Variants in AP3M2 observed in about 807,000 individuals in gnomAD.
AP3M2 encodes adaptor related protein complex 3 subunit mu 2.
In AP3M2, 28 loss-of-function variants were observed where a neutral mutation model predicts 41.6. The observed-to-expected ratio is 0.67, with a 90% confidence interval of 0.50 to 0.92. The LOEUF (loss-of-function observed/expected upper bound fraction) is 0.92. AP3M2 is among the 40% of genes least tolerant of loss of function. The pLI, the probability that AP3M2 is intolerant of heterozygous loss-of-function variation, is 0.00. For synonymous variants in AP3M2, 193 were observed against 186.4 expected, an observed-to-expected ratio of 1.04 and a Z score of -0.29; for missense variants, 427 against 521.4, an observed-to-expected ratio of 0.82 and a Z score of 1.76.
At chr8:42,167,084 C>A in intron 6 of AP3M2, 80 bp from the exon 7 acceptor site, 1 of 1,267,434 alleles carries the variant, frequency 7.9e-7, no homozygotes, top group Non-Finnish European at 1.1e-6. Context: ...ACCCACAGGG[C>A]AGAAAAAGCA....
chr8:42,165,601 A>G, intron 6 of AP3M2, 41 bp downstream of exon 6: 2 of 1,608,454 alleles, frequency 1.2e-6, no homozygotes, highest in Non-Finnish European at 1.7e-6. Context: ...CCGTGTATGT[A>G]CATGTATGTG....
intron 2 of AP3M2, among the ~76,000 whole-genome samples, chr8:42,157,726 C>A (rs1242607622): frequency 6.6e-6 from 1 of 152,142 alleles, no homozygotes; most frequent in East Asian, 1.9e-4. Flanking sequence ...GTAGAAGAAG[C>A]TAGTAATGAC....
rs1275187241 is a variant in AP3M2 at position 42,158,063 on chromosome 8, A to G, written c.396A>G (p.Glu132=). Residue 132 remains glutamate (E), a synonymous_variant, in exon 3 of 9, where the codon GAA becomes GAG. Transcript: ENST00000396926. ...CTACCGAGTCGAACATTCTTAAAGA[A>G]CTCATAAAGCCTCCTACCATCCTTC... ...PLATESNILK[E]LIKPPTILRT... 2 of 1,613,938 alleles carry G rather than the reference A, an allele frequency of 1.2e-6. No homozygotes were observed. Among genetic ancestry groups the G allele is most frequent in the Middle Eastern group, 1.7e-4 (1 of 6,060 alleles).
chr8:42,162,943 C>CAAAAA (rs67923954), intron 4 of AP3M2, among the ~76,000 whole-genome samples: 1,266 of 54,082 alleles, frequency 0.023, 129 homozygotes, highest in Non-Finnish European at 0.034. Context: ...GACCCTGTCT[C>CAAAAA]AAAAAAAAAA....
rs1804725862 is a variant in AP3M2, at chr8:42,169,168, C to A, written c.*107C>A. On this transcript the variant is annotated 3_prime_UTR_variant, in exon 9 of 9. Transcript: ENST00000396926. Reference sequence around the variant, plus strand: ...CTCCTAGGTCAGTCCCCTCCTGGACCCACCCGCTCCCTTTTTTCCTTAGCC... The same window carrying A: ...CTCCTAGGTCAGTCCCCTCCTGGACACACCCGCTCCCTTTTTTCCTTAGCC... The A allele has an allele frequency of 1.3e-6, 1 of 799,944 alleles. No individual in the cohort carries two copies. The highest frequency in any genetic ancestry group is 1.9e-6 in the Non-Finnish European group (1 of 527,098). The allele number at this position is 799,944 out of a possible 1,614,324, so 49.6% of individuals were successfully genotyped here. A position where few individuals can be genotyped will look rare whatever the true frequency, so the allele number is the denominator to read the frequency against.
intron 2 of AP3M2, 137 bp from the exon 3 acceptor site, chr8:42,157,804 G>A: frequency 1.3e-6 from 1 of 748,654 alleles, no homozygotes; most frequent in Non-Finnish European, 2.1e-6. Flanking sequence ...TGGTTATGCT[G>A]CATTCCCTCG....
chr8:42,157,986 G>A lies in AP3M2; in HGVS notation c.319G>A (p.Val107Ile). 6.2e-7 allele frequency: 1 copy of A among 1,614,160 alleles called. No homozygotes were observed. The highest frequency in any genetic ancestry group is 8.5e-7 in the Non-Finnish European group (1 of 1,180,022). Residue 107 changes from valine to isoleucine, a missense_variant, in exon 3 of 9, where the codon GTT (valine) becomes ATT (isoleucine). Val to Ile is a conservative substitution (Grantham distance 29, BLOSUM62 3). Transcript: ENST00000396926. ...CSEPVIKDNV[V>I]VVYEVLEEML... ...AGAGCCAGTGATCAAAGACAATGTA[G>A]TTGTGGTTTATGAGGTATTGGAAGA...
chr8:42,159,734 A>G (rs1438830438), intron 3 of AP3M2, among the ~76,000 whole-genome samples: 1 of 152,144 alleles, frequency 6.6e-6, no homozygotes, highest in African/African-American at 2.4e-5. Flanking sequence ...CATTCTTTTC[A>G]TTAAGGTTTT....
chr8:42,165,761 G>C, intron 6 of AP3M2: 3 of 541,302 alleles, frequency 5.5e-6, no homozygotes, highest in South Asian at 5.8e-5. Flanking sequence ...AATAATAAAA[G>C]TGCCTTGTTC....
At chr8:42,160,897 C>T (rs916083551) in intron 3 of AP3M2, among the ~76,000 whole-genome samples, 1 of 152,166 alleles carries the variant, frequency 6.6e-6, no homozygotes, top group South Asian at 2.1e-4. Flanking sequence ...ATTCTGAGTT[C>T]ATTTTAAGCC....
intron 3 of AP3M2, 94 bp downstream of exon 3, chr8:42,158,206 G>A (rs2150957696): frequency 7.4e-7 from 1 of 1,350,168 alleles, no homozygotes; most frequent in South Asian, 1.4e-5. Context: ...TTTGTCTTTG[G>A]GGATCTCAGG....
Position 42,167,177 on chromosome 8 carries a change from C to T in AP3M2, c.817C>T (p.Pro273Ser). ...HVSAQNLVAI[P>S]VYVKHNISFR... ...TCTCATTTCCAGTCTGGTTGCAATC[C>T]CAGTGTATGTCAAACATAACATCAG... The change falls in exon 7 of 9, where the codon CCA (proline) becomes TCA (serine). Residue 273 changes from proline (P) to serine (S), a missense_variant. Physicochemically the swap from Pro to Ser is moderately conservative, Grantham distance 74 (BLOSUM62 -1). Coordinates refer to ENST00000396926, the MANE Select transcript of AP3M2 (RefSeq NM_006803.4). 6.2e-7 allele frequency: 1 copy of T among 1,614,084 alleles called. No homozygotes were observed. Among genetic ancestry groups the T allele is most frequent in the Non-Finnish European group, 8.5e-7 (1 of 1,180,004 alleles).
intron 2 of AP3M2, among the ~76,000 whole-genome samples, chr8:42,155,581 A>C (rs1203831638): frequency 6.6e-6 from 1 of 152,144 alleles, no homozygotes; most frequent in African/African-American, 2.4e-5. Context: ...GATGTTAAGA[A>C]CTTAGGGGGT....
intron 3 of AP3M2, among the ~76,000 whole-genome samples, chr8:42,161,121 G>T (rs972045692): frequency 2.0e-5 from 3 of 151,992 alleles, no homozygotes; most frequent in Admixed American, 2.0e-4. Flanking sequence ...TGGGCAACTT[G>T]ATGAAACCCT....
intron 7 of AP3M2, 144 bp downstream of exon 7, chr8:42,167,515 C>A: frequency 7.4e-7 from 1 of 1,351,352 alleles, no homozygotes; most frequent in Admixed American, 2.2e-5. Context: ...TTAACAGTAA[C>A]ACGTAGGATT....
intron 3 of AP3M2, among the ~76,000 whole-genome samples, chr8:42,159,410 A>T (rs1475233254): frequency 6.6e-6 from 1 of 152,224 alleles, no homozygotes; most frequent in Non-Finnish European, 1.5e-5. Flanking sequence ...TTTTAGAAAC[A>T]TTGGCAATTT....
At chr8:42,165,756 T>C in intron 6 of AP3M2, 196 bp downstream of exon 6, 1 of 546,982 alleles carries the variant, frequency 1.8e-6, no homozygotes, top group Non-Finnish European at 3.1e-6. Flanking sequence ...TTGAAAATAA[T>C]AAAAGTGCCT....
At chr8:42,164,945 A>G in intron 4 of AP3M2, 126 bp from the exon 5 acceptor site, 1 of 718,550 alleles carries the variant, frequency 1.4e-6, no homozygotes, top group Admixed American at 3.1e-5. Flanking sequence ...AGGGAGAGAG[A>G]GGAAGGGGAG....
chr8:42,158,326 GCAACC>G (rs1804415251), intron 3 of AP3M2, among the ~76,000 whole-genome samples: 2 of 149,874 alleles, frequency 1.3e-5, no homozygotes, highest in Non-Finnish European at 3.0e-5. Flanking sequence ...TTGGCTCACT[GCAACC>G]TCCGCCTCCT....
Sources: allele counts gnomAD v4.1 joint callset (sites outside exome capture counted in the v4.1 genomes callset), GRCh38; gene constraint gnomAD v4.1.1; transcripts MANE v1.5; gene names NCBI Gene and HGNC (gene_info 2026-07-23, HGNC 2026-07-21).